The following ZSCAN25 variants were observed in gnomAD, a reference collection of about 807,000 sequenced individuals.
ZSCAN25 encodes the protein zinc finger and SCAN domain containing 25.
ZSCAN25 carries 27 observed loss-of-function variants against 38.7 expected under a neutral mutation model. The ratio of observed to expected loss-of-function variants is 0.70; its 90% CI spans 0.51 to 0.96. The LOEUF (loss-of-function observed/expected upper bound fraction) is 0.96. Ranked by LOEUF, ZSCAN25 falls within the 40% of genes least tolerant of loss-of-function variation. The probability of loss-of-function intolerance (pLI) is 0.00; values close to 1 mark genes in which losing one functional copy is unlikely to be tolerated. For missense variants in ZSCAN25, 637 were observed against 705.9 expected, an observed-to-expected ratio of 0.90 and a Z score of 1.11; for synonymous variants, 273 against 277.7, an observed-to-expected ratio of 0.98 and a Z score of 0.17.
At chr7:99,704,074 C>T in the ZSCAN25 span, among the ~76,000 whole-genome samples, 1 of 152,032 alleles carries the variant, frequency 6.6e-6, no homozygotes, top group East Asian at 1.9e-4. Context: ...GTAGTTTCAG[C>T]CTTGTTGTCC....
chr7:99,652,689 G>A, the ZSCAN25 span: 4 of 1,614,112 alleles, frequency 2.5e-6, no homozygotes, highest in South Asian at 1.1e-5. Context: ...GTCCTCTCAA[G>A]TCTAATAGCA....
the ZSCAN25 span, chr7:99,660,568 A>G: frequency 2.5e-6 from 4 of 1,614,030 alleles, no homozygotes; most frequent in Non-Finnish European, 3.4e-6. Context: ...TGGCCAGTTC[A>G]TATAAAGTGA....
the ZSCAN25 span, among the ~76,000 whole-genome samples, chr7:99,684,587 A>G: frequency 4.6e-5 from 7 of 152,176 alleles, no homozygotes; most frequent in African/African-American, 1.4e-4. Flanking sequence ...CACACCAACA[A>G]TGGTTACAAT....
chr7:99,624,078 A>G lies in ZSCAN25; in HGVS notation c.703A>G (p.Met235Val). 1 of 1,614,176 alleles carries G rather than the reference A, an allele frequency of 6.2e-7. No individual in the cohort carries two copies. The change falls in exon 7 of 8, where the codon ATG becomes GTG. Residue 235 changes from methionine (M) to valine (V), a missense_variant. Physicochemically the swap from Met to Val is conservative, Grantham distance 21 (BLOSUM62 1). Coordinates refer to ENST00000394152, the MANE Select transcript of ZSCAN25 (RefSeq NM_145115.3). ...GCAGGGGTTGGGGCCATTTAAAGAT[A>G]TGGCCCTGGCCTTCCCTGAGGAGGA... Reference protein sequence around the residue: ...GSQGLGPFKDMALAFPEEEWR... With the variant: ...GSQGLGPFKDVALAFPEEEWR...
At chr7:99,720,438 A>G in the ZSCAN25 span, 1 of 1,612,466 alleles carries the variant, frequency 6.2e-7, no homozygotes, top group South Asian at 1.1e-5. Flanking sequence ...AGAGTTGATT[A>G]AACATCAACA....
the ZSCAN25 span, chr7:99,676,691 C>A: frequency 8.8e-6 from 5 of 570,868 alleles, no homozygotes; most frequent in Non-Finnish European, 1.6e-5. Flanking sequence ...ACTGCCCTTA[C>A]AATTTGCTCA....
chr7:99,620,023 C>T (rs532226596), intron 4 of ZSCAN25, 30 bp downstream of exon 4: 2 of 1,583,984 alleles, frequency 1.3e-6, no homozygotes, highest in African/African-American at 1.3e-5. Context: ...AGGTCTGGCG[C>T]CCTTGGCGTG....
the ZSCAN25 span, chr7:99,676,286 G>A: frequency 1.8e-5 from 29 of 1,603,116 alleles, no homozygotes; most frequent in Non-Finnish European, 2.4e-5. Flanking sequence ...CTCAGGAACT[G>A]GAATGGTCAA....
chr7:99,647,561 G>C, the ZSCAN25 span: 1 of 985,424 alleles, frequency 1.0e-6, no homozygotes, highest in Non-Finnish European at 1.2e-6. Flanking sequence ...TGTCAGGGGA[G>C]ATGTGGTAAA....
At chr7:99,650,149 A>G in the ZSCAN25 span, 194 of 1,614,128 alleles carry the variant, frequency 1.2e-4, no homozygotes, top group Non-Finnish European at 1.6e-4. Context: ...CATGAGAGCA[A>G]ACCTCATGCC....
chr7:99,717,479 T>A, the ZSCAN25 span: 5 of 1,608,998 alleles, frequency 3.1e-6, no homozygotes, highest in South Asian at 2.2e-5. Context: ...TGTCCCCACC[T>A]GATTCATTCT....
chr7:99,695,692 T>C, the ZSCAN25 span: 1 of 1,478,268 alleles, frequency 6.8e-7, no homozygotes, highest in Non-Finnish European at 9.4e-7. Flanking sequence ...CTGATGGAAC[T>C]AAGCTGCTCT....
chr7:99,699,216 C>A, the ZSCAN25 span, among the ~76,000 whole-genome samples: 2 of 152,172 alleles, frequency 1.3e-5, no homozygotes, highest in Non-Finnish European at 2.9e-5. Context: ...TGCTAGCCTC[C>A]CAGAGACGGG....
chr7:99,629,946 C>T lies in ZSCAN25; in HGVS notation c.1561C>T (p.Arg521Ter), dbSNP rs1562971601. Residue 521 changes from arginine to a stop codon, truncating the protein, a stop_gained, in exon 8 of 8, where the codon CGA becomes TGA. Transcript: ENST00000394152. LOFTEE classifies it high-confidence loss of function. The surrounding 1 kb of genome is among the most constrained non-coding windows in gnomAD (Gnocchi z 5.6). ...GCCCTACCACTGTCCTGCCTGCGGG[C>T]GAAGCTTCAACCAGAGGTCCATCCT... ...EKPYHCPACG[R>*]SFNQRSILNR... The T allele has an allele frequency of 3.1e-6, 5 of 1,612,844 alleles. No individual in the cohort carries two copies. Among genetic ancestry groups the T allele is most frequent in the Non-Finnish European group, 4.2e-6 (5 of 1,179,370 alleles).
the ZSCAN25 span, among the ~76,000 whole-genome samples, chr7:99,714,948 C>T: frequency 6.6e-6 from 1 of 152,272 alleles, no homozygotes; most frequent in South Asian, 2.1e-4. Context: ...ATTCAATGCC[C>T]TAATCTCTTT....
chr7:99,699,476 G>A, the ZSCAN25 span, among the ~76,000 whole-genome samples: 6 of 152,056 alleles, frequency 3.9e-5, no homozygotes, highest in South Asian at 2.1e-4. Context: ...TAGGGGAGCA[G>A]GAACCACCAG....
chr7:99,617,738 C>G (rs1218115885), intron 1 of ZSCAN25, among the ~76,000 whole-genome samples: 1 of 152,096 alleles, frequency 6.6e-6, no homozygotes, highest in Non-Finnish European at 1.5e-5. Context: ...GAGATCCTGT[C>G]TCAGAAACAA....
At chr7:99,718,450 C>T in the ZSCAN25 span, among the ~76,000 whole-genome samples, 1 of 152,166 alleles carries the variant, frequency 6.6e-6, no homozygotes, top group African/African-American at 2.4e-5. Context: ...TCTCTTTCAT[C>T]TTCCACAGCC....
the ZSCAN25 span, among the ~76,000 whole-genome samples, chr7:99,654,129 G>A: frequency 2.0e-5 from 3 of 151,782 alleles, no homozygotes; most frequent in Non-Finnish European, 2.9e-5. Flanking sequence ...TGTACACAAC[G>A]TGCAGGTTTG....
Sources: gnomAD v4.1 joint callset for allele counts (sites outside exome capture counted in the v4.1 genomes callset) on GRCh38, gnomAD v4.1.1 for gene constraint, Gnocchi (gnomAD v3.1) non-coding constraint, MANE v1.5 for transcripts, NCBI Gene and HGNC (gene_info 2026-07-23, HGNC 2026-07-21) for gene names.